Variants in C12orf42 observed in about 807,000 individuals in gnomAD.
C12orf42 encodes the protein uncharacterized protein C12orf42.
C12orf42 carries 25 observed loss-of-function variants against 21.6 expected under a neutral mutation model. The ratio of observed to expected loss-of-function variants is 1.16; its 90% CI spans 0.84 to 1.62. The LOEUF (loss-of-function observed/expected upper bound fraction) is 1.62, where lower values mean the gene tolerates loss of function less well. Among genes scored for constraint, C12orf42 ranks in the 40% most tolerant of loss-of-function variants. C12orf42 has a pLI of 0.00. For synonymous variants in C12orf42, 174 were observed against 175.0 expected, an observed-to-expected ratio of 0.99 and a Z score of 0.05; for missense variants, 483 against 459.3, an observed-to-expected ratio of 1.05 and a Z score of -0.47.
chr12:103,481,805 G>C (rs577677726), intron 1 of C12orf42, among the ~76,000 whole-genome samples: 1 of 145,466 alleles, frequency 6.9e-6, no homozygotes, highest in African/African-American at 2.5e-5. Flanking sequence ...TTTTTGTTTG[G>C]GTTTTTTTTT....
chr12:103,544,260 T>C, the C12orf42 span, among the ~76,000 whole-genome samples: 1 of 152,196 alleles, frequency 6.6e-6, no homozygotes, highest in Non-Finnish European at 1.5e-5. Context: ...TTTATTTCAC[T>C]TAAACTATTA....
chr12:103,470,377 CA>C (rs1223880080), intron 2 of C12orf42, among the ~76,000 whole-genome samples: 1 of 152,196 alleles, frequency 6.6e-6, no homozygotes, highest in African/African-American at 2.4e-5. Context: ...GAAGATATCT[CA>C]AGAGACCATC....
At chr12:103,299,300 C>T (rs964395984), downstream of C12orf42, among the ~76,000 whole-genome samples, 2 of 151,666 alleles carry the variant, frequency 1.3e-5, no homozygotes, top group African/African-American at 2.4e-5. Flanking sequence ...AATTAATATA[C>T]GTTAAACAGG....
chr12:103,211,431 A>T, the C12orf42 span, among the ~76,000 whole-genome samples: 1 of 152,184 alleles, frequency 6.6e-6, no homozygotes, highest in South Asian at 2.1e-4. Context: ...TGAGCCTGTT[A>T]CTACTAAGAT....
At chr12:103,113,667 T>C in the C12orf42 span, among the ~76,000 whole-genome samples, 1 of 152,186 alleles carries the variant, frequency 6.6e-6, no homozygotes. Flanking sequence ...CAACAAAGAA[T>C]CATCCAGGCC....
intron 2 of C12orf42, among the ~76,000 whole-genome samples, chr12:103,474,320 T>C (rs1053013226): frequency 6.6e-6 from 1 of 151,868 alleles, no homozygotes; most frequent in Non-Finnish European, 1.5e-5. Context: ...AAACGGAAAA[T>C]TGTAGAGTGC....
intron 5 of C12orf42, among the ~76,000 whole-genome samples, chr12:103,274,627 TTGTGTC>T (rs2035657324): frequency 6.6e-6 from 1 of 152,176 alleles, no homozygotes; most frequent in Non-Finnish European, 1.5e-5. Flanking sequence ...TTTCTACTGT[TTGTGTC>T]TGTCTGTCTG....
chr12:103,085,731 A>G, the C12orf42 span, among the ~76,000 whole-genome samples: 1 of 152,176 alleles, frequency 6.6e-6, no homozygotes, highest in African/African-American at 2.4e-5. Context: ...AGTAGGCCTC[A>G]GCTTTCATTC....
chr12:103,085,991 G>T, the C12orf42 span, among the ~76,000 whole-genome samples: 21 of 152,268 alleles, frequency 1.4e-4, no homozygotes, highest in African/African-American at 4.3e-4. Flanking sequence ...AATTTAATCT[G>T]AATTTGTTCA....
intron 4 of C12orf42, among the ~76,000 whole-genome samples, chr12:103,326,202 G>A (rs549200488): frequency 6.6e-6 from 1 of 152,212 alleles, no homozygotes; most frequent in African/African-American, 2.4e-5. Flanking sequence ...CAAGGTGATT[G>A]GGCTTCAGAA....
chr12:103,238,725 G>A (rs1177828910), intron 10 of C12orf42, among the ~76,000 whole-genome samples: 2 of 152,184 alleles, frequency 1.3e-5, no homozygotes, highest in East Asian at 3.8e-4. Flanking sequence ...GGCCCTATGA[G>A]TGCAGCACGG....
the C12orf42 span, chr12:103,164,257 T>C: frequency 1.6e-5 from 6 of 376,682 alleles, no homozygotes; most frequent in East Asian, 7.2e-5. Flanking sequence ...ATATATCCTA[T>C]GCTACCAGGC....
chr12:103,518,216 T>C, the C12orf42 span, among the ~76,000 whole-genome samples: 2 of 152,178 alleles, frequency 1.3e-5, no homozygotes, highest in African/African-American at 2.4e-5. Flanking sequence ...TAACAGAATA[T>C]ATTTTGGCTA....
chr12:103,378,519 A>C (rs1243472610), intron 3 of C12orf42, among the ~76,000 whole-genome samples: 2 of 152,140 alleles, frequency 1.3e-5, no homozygotes, highest in Non-Finnish European at 1.5e-5. Context: ...GGAATCACTT[A>C]AGTTGCAGGT....
At chr12:103,394,375 C>T (rs374963906) in intron 3 of C12orf42, among the ~76,000 whole-genome samples, 1 of 152,178 alleles carries the variant, frequency 6.6e-6, no homozygotes, top group South Asian at 2.1e-4. Context: ...TCCTGCCCTA[C>T]GTTTACCTGA....
downstream of C12orf42, among the ~76,000 whole-genome samples, chr12:103,298,187 A>T (rs1283347204): frequency 1.3e-5 from 2 of 152,130 alleles, no homozygotes; most frequent in Admixed American, 6.5e-5. Context: ...AGATGACATG[A>T]TTGTGTATCT....
At chr12:103,281,957 AAGAAAG>A (rs1268169965) in intron 4 of C12orf42, among the ~76,000 whole-genome samples, 19 of 148,940 alleles carry the variant, frequency 1.3e-4, no homozygotes, top group African/African-American at 2.3e-4. Context: ...GAAAGAAAGA[AAGAAAG>A]AGATCGATCC....
chr12:103,137,527 G>A, the C12orf42 span, among the ~76,000 whole-genome samples: 483 of 152,082 alleles, frequency 3.2e-3, 3 homozygotes, highest in African/African-American at 0.011. Context: ...TTTATCCAAA[G>A]GAAAAGAAAT....
chr12:103,294,767 T>C (rs1057401514), intron 4 of C12orf42, among the ~76,000 whole-genome samples: 1 of 152,172 alleles, frequency 6.6e-6, no homozygotes, highest in Non-Finnish European at 1.5e-5. Context: ...TTCTGCAGCA[T>C]TTTTCTTAAG....
Sources: allele counts gnomAD v4.1 joint callset (sites outside exome capture counted in the v4.1 genomes callset), GRCh38; gene constraint gnomAD v4.1.1; transcripts MANE v1.5; gene names NCBI Gene and HGNC (gene_info 2026-07-23, HGNC 2026-07-21).